The following FSD1 variants were observed in gnomAD, a reference collection of about 807,000 sequenced individuals.
The protein encoded by FSD1 is fibronectin type III and SPRY domain containing 1.
Under a neutral mutation model 58.2 loss-of-function variants are expected in FSD1, and 23 were observed. The observed-to-expected ratio is 0.40, with a 90% CI of 0.28 to 0.56. FSD1 has a LOEUF of 0.56. FSD1 is among the 20% of genes least tolerant of loss of function. The pLI, the probability that FSD1 is intolerant of heterozygous loss-of-function variation, is 0.54. For synonymous variants in FSD1, 265 were observed against 263.4 expected, an observed-to-expected ratio of 1.01 and a Z score of -0.06; for missense variants, 563 against 670.8, an observed-to-expected ratio of 0.84 and a Z score of 1.78.
intron 7 of FSD1, among the ~76,000 whole-genome samples, chr19:4,312,807 A>AAAAT (rs377254722): frequency 0.04 from 5,949 of 148,766 alleles, 306 homozygotes; most frequent in African/African-American, 0.12. Context: ...TCCGTCTCAA[A>AAAAT]AAATAAATAA....
chr19:4,318,722 A>G, intron 9 of FSD1, 150 bp from the exon 10 acceptor site: 3 of 742,314 alleles, frequency 4.0e-6, no homozygotes, highest in Non-Finnish European at 7.1e-6. Flanking sequence ...TGACATAAAC[A>G]TGAGGTGCTC....
At chr19:4,322,351 T>C (rs969945975) in intron 10 of FSD1, among the ~76,000 whole-genome samples, 2 of 150,856 alleles carry the variant, frequency 1.3e-5, no homozygotes, top group African/African-American at 4.9e-5. Flanking sequence ...CTGGAGGGGA[T>C]AGCTGGGATC....
Position 4,323,780 on chromosome 19 carries a change from G to T in FSD1, c.*137G>T. ...GATGGGGGGGTCACCAAGAGGGAGTGGGCACCCTGGCGGGCCCTCTCCCCA... is the reference window on the plus strand; with the variant it reads ...GATGGGGGGGTCACCAAGAGGGAGTTGGCACCCTGGCGGGCCCTCTCCCCA... On this transcript the variant is annotated 3_prime_UTR_variant, in exon 13 of 13. Transcript: ENST00000221856. The surrounding 1 kb of genome is among the most constrained non-coding windows in gnomAD (Gnocchi z 7.7). The T allele has an allele frequency of 1.5e-6, 1 of 660,452 alleles. No homozygotes were observed. The allele number at this position is 660,452 out of a possible 1,614,324, so 40.9% of individuals were successfully genotyped here. A position where few individuals can be genotyped will look rare whatever the true frequency, so the allele number is the denominator to read the frequency against.
intron 4 of FSD1, 88 bp downstream of exon 4, chr19:4,308,071 A>G (rs778315632): frequency 2.9e-6 from 3 of 1,018,238 alleles, no homozygotes; most frequent in East Asian, 5.1e-5. Context: ...TAGTGTAAGT[A>G]TAGCCCACCC....
intron 7 of FSD1, 37 bp from the exon 8 acceptor site, chr19:4,317,145 T>TTA: frequency 8.8e-7 from 1 of 1,141,896 alleles, no homozygotes; most frequent in Non-Finnish European, 1.3e-6. Context: ...TCTCAGGGAA[T>TTA]AATACACAGT....
At chr19:4,308,210 C>G (rs878945186) in intron 4 of FSD1, among the ~76,000 whole-genome samples, 1 of 152,030 alleles carries the variant, frequency 6.6e-6, no homozygotes, top group Admixed American at 6.6e-5. Context: ...GAGTTCAAGA[C>G]TAGCCTGGCC....
Position 4,323,499 on chromosome 19 carries a change from T to TGGGGGGGG in FSD1, c.1381-33_1381-32insGGGGGGGG. 1 of 1,577,820 alleles carries TGGGGGGGG rather than the reference T, an allele frequency of 6.3e-7. No individual in the cohort carries two copies. The highest frequency in any genetic ancestry group is 8.7e-7 in the Non-Finnish European group (1 of 1,148,724). Reference sequence around the variant, plus strand: ...GGTGCTGGGCGCTGGGGTTTGAAGCTGAGCCCCTCCCCCCTCCCCCCGCTG... The same window carrying TGGGGGGGG: ...GGTGCTGGGCGCTGGGGTTTGAAGCTGGGGGGGGGAGCCCCTCCCCCCTCCCCCCGCTG... On this transcript the variant is annotated intron_variant, in intron 12 of 12. Coordinates refer to ENST00000221856, the MANE Select transcript of FSD1 (RefSeq NM_024333.3). This position sits in a 1 kb window ranked among gnomAD's most constrained non-coding sequence, Gnocchi z 7.7.
At chr19:4,316,401 A>G (rs1311707127) in intron 7 of FSD1, among the ~76,000 whole-genome samples, 1 of 122,786 alleles carries the variant, frequency 8.1e-6, no homozygotes, top group Non-Finnish European at 1.7e-5. Context: ...TTATATTTTT[A>G]GTAGAGATGC....
chr19:4,318,922 G>A lies in FSD1; in HGVS notation c.1010G>A (p.Arg337His), dbSNP rs776511823. The A allele has an allele frequency of 1.2e-5, 19 of 1,613,558 alleles. 1 individual carries two copies. The highest frequency in any genetic ancestry group is 1.1e-4 in the South Asian group (10 of 91,078). The change falls in exon 10 of 13, where the codon CGC (arginine) becomes CAC (histidine). Residue 337 changes from arginine (R) to histidine (H), a missense_variant. Arg to His is a conservative substitution (Grantham distance 29). Transcript: ENST00000221856. ...CCCTCAGGTCGTGGGGGACGGGACC[G>A]CTTCACCGCTGAGTCCTACACAGTT... ...RMPSGRGGRD[R>H]FTAESYTVLG...
At chr19:4,314,769 G>A (rs1971735201) in intron 7 of FSD1, among the ~76,000 whole-genome samples, 1 of 152,206 alleles carries the variant, frequency 6.6e-6, no homozygotes, top group South Asian at 2.1e-4. Context: ...ACAGGCGTGA[G>A]CCACCACGCC....
rs115801307 is a variant in FSD1 at position 4,305,904 on chromosome 19, G to A, written c.16-42G>A. 1,169 of 1,404,262 alleles carry A rather than the reference G, an allele frequency of 8.3e-4. 11 individuals are homozygous for A. In the African/African-American group the frequency reaches 0.015, roughly 18 times the overall value. 87.0% of individuals were successfully genotyped at this position (1,404,262 alleles called of 1,614,324 possible). A position where few individuals can be genotyped will look rare whatever the true frequency, so the allele number is the denominator to read the frequency against. Reference sequence around the variant, plus strand: ...CGTGTGTGTACCTGTGTGCGCACATGTGTGTGTGCACCTGTGTGTGTCCAC... The same window carrying A: ...CGTGTGTGTACCTGTGTGCGCACATATGTGTGTGCACCTGTGTGTGTCCAC... On this transcript the variant is annotated intron_variant, in intron 1 of 12. Coordinates refer to ENST00000221856, the MANE Select transcript of FSD1 (RefSeq NM_024333.3).
intron 4 of FSD1, among the ~76,000 whole-genome samples, chr19:4,308,464 T>G (rs912858224): frequency 6.6e-6 from 1 of 152,098 alleles, no homozygotes; most frequent in Non-Finnish European, 1.5e-5. Flanking sequence ...GGCTCATGCC[T>G]GTAATACCAG....
Position 4,310,724 on chromosome 19 carries a change from C to A in FSD1, c.490+128C>A, listed in dbSNP as rs1053009481. On this transcript the variant is annotated intron_variant, in intron 6 of 12. Coordinates refer to ENST00000221856, the MANE Select transcript of FSD1 (RefSeq NM_024333.3). Reference sequence around the variant, plus strand: ...TGAATTCCGCCTGGGGGAGGTGGAGCTCTGAGAATTCCACGCCCTGTGGGG... The same window carrying A: ...TGAATTCCGCCTGGGGGAGGTGGAGATCTGAGAATTCCACGCCCTGTGGGG... 4 of 1,133,216 alleles carry A rather than the reference C, an allele frequency of 3.5e-6. No homozygotes were observed. The African/African-American group carries it at 6.2e-5, about 18-fold the overall frequency. The allele number at this position is 1,133,216 out of a possible 1,614,324, so 70.2% of individuals were successfully genotyped here. A position where few individuals can be genotyped will look rare whatever the true frequency, so the allele number is the denominator to read the frequency against.
rs375153495 is a variant in FSD1 at position 4,323,435 on chromosome 19, C to T, written c.1379C>T (p.Thr460Met). Residue 460 changes from threonine to methionine, a missense_variant and splice_region_variant, in exon 12 of 13, where the codon ACG becomes ATG. Coordinates refer to ENST00000221856, the MANE Select transcript of FSD1 (RefSeq NM_024333.3). The surrounding 1 kb of genome is among the most constrained non-coding windows in gnomAD (Gnocchi z 7.7). ...RFTQPLLPAF[T>M]VWCGSFQVTT... ...ACACAGCCGCTGCTGCCTGCTTTCA[C>T]GGTGAGCTGCCCTCCGCGGCCCAGG... is the stretch of plus-strand genomic sequence containing the variant. The T allele has an allele frequency of 8.1e-6, 13 of 1,613,112 alleles. No homozygotes were observed. Among genetic ancestry groups the T allele is most frequent in the Middle Eastern group, 1.6e-4 (1 of 6,074 alleles).
intron 4 of FSD1, among the ~76,000 whole-genome samples, chr19:4,309,472 G>C (rs1026630199): frequency 3.3e-5 from 5 of 152,152 alleles, no homozygotes; most frequent in African/African-American, 7.2e-5. Flanking sequence ...GGTGTGGGCA[G>C]GAGGTTGGGG....
intron 10 of FSD1, among the ~76,000 whole-genome samples, chr19:4,322,018 T>G (rs1971824491): frequency 7.2e-6 from 1 of 139,060 alleles, no homozygotes; most frequent in East Asian, 2.2e-4. Flanking sequence ...CCCCAAGGAG[T>G]ATCTGGGAGA....
chr19:4,307,896 C>T lies in FSD1; in HGVS notation c.258C>T (p.Ala86=), dbSNP rs1971639864. The T allele has an allele frequency of 6.2e-6, 10 of 1,613,442 alleles. No homozygotes were observed. The highest frequency in any genetic ancestry group is 7.6e-6 in the Non-Finnish European group (9 of 1,179,752). ...RTYELQNQLA[A]CTRALESSEE... The stretch of plus-strand genomic sequence containing the variant: ...GGTATCCACAGAACCAGCTGGCTGC[C>T]TGCACGCGGGCCCTGGAGAGCTCCG... Residue 86 remains alanine (A), a synonymous_variant, in exon 4 of 13, where the codon GCC becomes GCT. Transcript: ENST00000221856.
At chr19:4,309,418 C>A (rs751871545) in intron 4 of FSD1, among the ~76,000 whole-genome samples, 2 of 152,040 alleles carry the variant, frequency 1.3e-5, no homozygotes, top group African/African-American at 4.8e-5. Context: ...TTTAACTGGG[C>A]ATCCTGTAGT....
At position 4,323,336 on chromosome 19, in the gene FSD1, C is replaced by T. The variant is rs755704635; in HGVS notation, c.1292-12C>T. 4.3e-6 allele frequency: 7 copies of T among 1,612,992 alleles called. No homozygotes were observed. The highest frequency in any genetic ancestry group is 5.1e-6 in the Non-Finnish European group (6 of 1,179,344). On this transcript the variant is annotated splice_polypyrimidine_tract_variant and intron_variant, in intron 11 of 12. Coordinates refer to ENST00000221856, the MANE Select transcript of FSD1 (RefSeq NM_024333.3). This position sits in a 1 kb window ranked among gnomAD's most constrained non-coding sequence, Gnocchi z 7.7. Reference sequence around the variant, plus strand: ...TGACCGGTCCCACTGTCACTCTGCCCCCCGACCCCAGGCCTCCTGTCCTTC... The same window carrying T: ...TGACCGGTCCCACTGTCACTCTGCCTCCCGACCCCAGGCCTCCTGTCCTTC...
Sources: allele counts gnomAD v4.1 joint callset (sites outside exome capture counted in the v4.1 genomes callset), GRCh38; gene constraint gnomAD v4.1.1; non-coding constraint Gnocchi (gnomAD v3.1); transcripts MANE v1.5; gene names NCBI Gene and HGNC (gene_info 2026-07-23, HGNC 2026-07-21).